Variants in CTNNBIP1 observed in about 807,000 individuals in gnomAD.
CTNNBIP1 encodes catenin beta interacting protein 1, also known as beta-catenin-interacting protein 1.
A neutral mutation model predicts 11.8 loss-of-function variants in CTNNBIP1; 7 were observed. The ratio of observed to expected loss-of-function variants is 0.60; its 90% CI spans 0.34 to 1.12. The LOEUF is 1.12. Ranked by LOEUF, CTNNBIP1 falls within the 50% of genes most tolerant of loss-of-function variation. The pLI, the probability that CTNNBIP1 is intolerant of heterozygous loss-of-function variation, is 0.03. For synonymous variants in CTNNBIP1, 58 were observed against 43.9 expected (o/e 1.32, Z -1.26); for missense variants, 101 against 113.4 (o/e 0.89, Z 0.50).
In CTNNBIP1 at chr1:9,872,047, A is replaced by C; in HGVS notation, c.18T>G (p.Ala6=). 1 of 1,614,066 alleles carries C rather than the reference A, an allele frequency of 6.2e-7. No individual in the cohort carries two copies. The highest frequency in any genetic ancestry group is 8.5e-7 in the Non-Finnish European group (1 of 1,179,956). MNREG[A]PGKSPEEMYI... ...ACATCTCCTCCGGACTCTTCCCGGG[A>C]GCTCCCTCGCGGTTCATCCCCCTGC... is the stretch of plus-strand genomic sequence containing the variant. Residue 6 remains alanine, a synonymous_variant, in exon 4 of 6, where the codon GCT becomes GCG. Transcript: ENST00000377263. The surrounding 1 kb of genome is among the most constrained non-coding windows in gnomAD (Gnocchi z 4.0).
At position 9,871,629 on chromosome 1, in the gene CTNNBIP1, C is replaced by G. The variant is rs1253128795; in HGVS notation, c.96+340G>C. Among the ~76,000 whole-genome samples, 2 of 152,208 alleles carry G rather than the reference C, an allele frequency of 1.3e-5. No individual in the cohort carries two copies. The highest frequency in any genetic ancestry group is 2.9e-5 in the Non-Finnish European group (2 of 68,036). ...CCCTGCACATGCATGCCTGCTGCCCCCTCAGCTCCTGTCCTGACAAGTTGT... is the reference window on the plus strand; with the variant it reads ...CCCTGCACATGCATGCCTGCTGCCCGCTCAGCTCCTGTCCTGACAAGTTGT... On this transcript the variant is annotated intron_variant, in intron 4 of 5. Coordinates refer to ENST00000377263, the MANE Select transcript of CTNNBIP1 (RefSeq NM_020248.3). The surrounding 1 kb of genome is among the most constrained non-coding windows in gnomAD (Gnocchi z 5.2).
At chr1:9,908,068 C>T (rs934029903) in intron 1 of CTNNBIP1, among the ~76,000 whole-genome samples, 2 of 152,158 alleles carry the variant, frequency 1.3e-5, no homozygotes, top group African/African-American at 2.4e-5. Context: ...TTTTTCTCCA[C>T]CCCCGCCCAA....
intron 1 of CTNNBIP1, among the ~76,000 whole-genome samples, chr1:9,900,142 G>A (rs1033275483): frequency 7.9e-5 from 12 of 152,008 alleles, no homozygotes; most frequent in Admixed American, 2.0e-4. Flanking sequence ...TGTGGCTCAC[G>A]CTTGTAATCC....
At chr1:9,868,714 G>A (rs968509823) in intron 5 of CTNNBIP1, among the ~76,000 whole-genome samples, 5 of 151,252 alleles carry the variant, frequency 3.3e-5, no homozygotes, top group East Asian at 2.0e-4. Context: ...CGCAAGCTCC[G>A]CCTCCCAGAT....
At chr1:9,858,051 C>T (rs557879863) in intron 5 of CTNNBIP1, among the ~76,000 whole-genome samples, 1 of 152,242 alleles carries the variant, frequency 6.6e-6, no homozygotes, top group South Asian at 2.1e-4. Flanking sequence ...GTCTTCCCAA[C>T]CCCTCTGTCA....
intron 1 of CTNNBIP1, among the ~76,000 whole-genome samples, chr1:9,891,555 A>AC (rs1030666115): frequency 3.3e-5 from 5 of 151,906 alleles, no homozygotes; most frequent in African/African-American, 1.2e-4. Flanking sequence ...CCCCCTCCTC[A>AC]CCACCCGGCT....
chr1:9,885,644 T>TAAAA (rs528856859), intron 1 of CTNNBIP1, among the ~76,000 whole-genome samples: 1 of 133,806 alleles, frequency 7.5e-6, no homozygotes, highest in Non-Finnish European at 1.6e-5. Flanking sequence ...ACCCTGTCTC[T>TAAAA]AAAAAAAAAA....
chr1:9,869,014 T>G (rs1638803438), intron 5 of CTNNBIP1, among the ~76,000 whole-genome samples: 1 of 152,184 alleles, frequency 6.6e-6, no homozygotes, highest in Non-Finnish European at 1.5e-5. Flanking sequence ...TTTTTTAAAT[T>G]TATGAGACAG....
chr1:9,892,722 A>G (rs1229819071), intron 1 of CTNNBIP1, among the ~76,000 whole-genome samples: 1 of 152,186 alleles, frequency 6.6e-6, no homozygotes, highest in Non-Finnish European at 1.5e-5. Flanking sequence ...CATCTGTGCT[A>G]CAGAGGCCAG....
At chr1:9,876,991 C>A (rs1351433768) in intron 3 of CTNNBIP1, among the ~76,000 whole-genome samples, 2 of 152,144 alleles carry the variant, frequency 1.3e-5, no homozygotes, top group African/African-American at 4.8e-5. Context: ...AACGGGAGAA[C>A]TGGCCTTGGC....
At chr1:9,902,679 A>G (rs1458808912) in intron 1 of CTNNBIP1, among the ~76,000 whole-genome samples, 1 of 152,170 alleles carries the variant, frequency 6.6e-6, no homozygotes, top group African/African-American at 2.4e-5. Context: ...ACTCTCATCA[A>G]ATCATTCTTT....
intron 5 of CTNNBIP1, among the ~76,000 whole-genome samples, chr1:9,857,571 C>T (rs187474202): frequency 1.1e-3 from 160 of 151,596 alleles, no homozygotes; most frequent in South Asian, 9.4e-3. Flanking sequence ...GAGGCCGAGG[C>T]GGGCAGATCA....
chr1:9,896,904 T>C (rs1570596808), intron 1 of CTNNBIP1, among the ~76,000 whole-genome samples: 1 of 151,180 alleles, frequency 6.6e-6, no homozygotes, highest in South Asian at 2.1e-4. Flanking sequence ...GAGGCCAAGG[T>C]TGCAGTGAGC....
intron 1 of CTNNBIP1, among the ~76,000 whole-genome samples, chr1:9,899,998 C>T (rs908665220): frequency 3.8e-4 from 58 of 151,378 alleles, no homozygotes; most frequent in African/African-American, 1.4e-3. Context: ...CCCTTGAACC[C>T]AGGAGGCAGA....
intron 5 of CTNNBIP1, among the ~76,000 whole-genome samples, chr1:9,861,239 C>T (rs568719485): frequency 9.9e-5 from 15 of 152,196 alleles, no homozygotes; most frequent in Non-Finnish European, 1.6e-4. Flanking sequence ...GGCTGAACTA[C>T]CAGCTCTAGG....
At chr1:9,857,656 C>T (rs894850069) in intron 5 of CTNNBIP1, among the ~76,000 whole-genome samples, 1 of 151,974 alleles carries the variant, frequency 6.6e-6, no homozygotes, top group Non-Finnish European at 1.5e-5. Context: ...CAAACATTAG[C>T]CAGATGTGGT....
chr1:9,878,741 C>T (rs1460906282), intron 2 of CTNNBIP1, among the ~76,000 whole-genome samples: 9 of 152,206 alleles, frequency 5.9e-5, no homozygotes, highest in Admixed American at 4.6e-4. Flanking sequence ...CTGTGAGGGG[C>T]GCTGGGAGCC....
intron 1 of CTNNBIP1, among the ~76,000 whole-genome samples, chr1:9,889,138 G>A (rs998329235): frequency 6.6e-6 from 1 of 152,190 alleles, no homozygotes; most frequent in Non-Finnish European, 1.5e-5. Context: ...GCACAAACCT[G>A]CCTGGAGACA....
chr1:9,901,328 A>T (rs574126108), intron 1 of CTNNBIP1, among the ~76,000 whole-genome samples: 1 of 152,158 alleles, frequency 6.6e-6, no homozygotes, highest in South Asian at 2.1e-4. Context: ...AGGGAGGTCA[A>T]GGCTAAGTAT....
Sources: gnomAD v4.1 joint callset for allele counts (sites outside exome capture counted in the v4.1 genomes callset) on GRCh38, gnomAD v4.1.1 for gene constraint, Gnocchi (gnomAD v3.1) non-coding constraint, MANE v1.5 for transcripts, NCBI Gene and HGNC (gene_info 2026-07-23, HGNC 2026-07-21) for gene names.